The following GPHN variants were observed in gnomAD, a reference collection of about 807,000 sequenced individuals.
GPHN encodes gephyrin.
A neutral mutation model predicts 95.5 loss-of-function variants in GPHN; 17 were observed. The ratio of observed to expected loss-of-function variants is 0.18; its 90% CI spans 0.12 to 0.27. The LOEUF is 0.27. GPHN is among the 10% of genes least tolerant of loss of function. The pLI is 1.00. For missense variants in GPHN, 660 were observed against 978.1 expected (o/e 0.67, Z 4.34); for synonymous variants, 320 against 322.5 (o/e 0.99, Z 0.08).
chr14:67,173,302 C>G (rs1478485383), intron 21 of GPHN, among the ~76,000 whole-genome samples: 1 of 152,180 alleles, frequency 6.6e-6, no homozygotes, highest in African/African-American at 2.4e-5. Flanking sequence ...AGAGGGATCT[C>G]CCTAGGCTAT....
At chr14:66,657,510 T>TA (rs1389739912) in intron 1 of GPHN, among the ~76,000 whole-genome samples, 1 of 152,200 alleles carries the variant, frequency 6.6e-6, no homozygotes, top group Non-Finnish European at 1.5e-5. Context: ...AGAGATAAGA[T>TA]ATCAATGCCT....
At chr14:67,394,512 C>T in the GPHN span, among the ~76,000 whole-genome samples, 4 of 152,184 alleles carry the variant, frequency 2.6e-5, no homozygotes, top group African/African-American at 9.7e-5. Flanking sequence ...TTAAACCCAC[C>T]TGCCTACCCA....
Position 66,972,588 on chromosome 14 carries a change from G to A in GPHN, c.963+7263G>A, listed in dbSNP as rs113197225. 3.1e-3 allele frequency among the ~76,000 whole-genome samples: 467 copies of A among 151,738 alleles called. 10 individuals carry two copies. The highest frequency in any genetic ancestry group is 0.011 in the African/African-American group (442 of 41,432). ...TACGCCCCATTTTGTCACATTCAAG[G>A]CTCAAGTTTTAATTAATTTAATTTT... is the stretch of plus-strand genomic sequence containing the variant. On this transcript the variant is annotated intron_variant, in intron 9 of 22. Coordinates refer to ENST00000478722, the MANE Select transcript of GPHN (RefSeq NM_020806.5).
intron 1 of GPHN, 96 bp from the exon 2 acceptor site, chr14:66,681,011 G>A (rs77211110): frequency 8.7e-6 from 6 of 689,002 alleles, no homozygotes; most frequent in Non-Finnish European, 1.5e-5. Flanking sequence ...AAAAAAAAAA[G>A]CTATTTTTCA....
intron 1 of GPHN, among the ~76,000 whole-genome samples, chr14:66,656,048 T>G (rs900220615): frequency 3.9e-5 from 6 of 152,148 alleles, no homozygotes; most frequent in Non-Finnish European, 7.4e-5. Context: ...GAGAAATATT[T>G]GTCTTTGGGT....
chr14:67,640,686 C>T, the GPHN span, among the ~76,000 whole-genome samples: 1 of 152,166 alleles, frequency 6.6e-6, no homozygotes, highest in African/African-American at 2.4e-5. Context: ...AGAATATAAT[C>T]TATGTCAATG....
At chr14:66,657,052 CTA>C (rs1441680382) in intron 1 of GPHN, among the ~76,000 whole-genome samples, 1 of 152,124 alleles carries the variant, frequency 6.6e-6, no homozygotes, top group East Asian at 1.9e-4. Flanking sequence ...TGAATGGAAA[CTA>C]AAAGTTTTTG....
chr14:67,596,431 G>A, the GPHN span, among the ~76,000 whole-genome samples: 6 of 149,004 alleles, frequency 4.0e-5, no homozygotes, highest in East Asian at 4.0e-4. Context: ...GTGAGCCACC[G>A]CACCCGGCAA....
the GPHN span, among the ~76,000 whole-genome samples, chr14:67,576,699 G>C: frequency 6.6e-6 from 1 of 152,168 alleles, no homozygotes; most frequent in African/African-American, 2.4e-5. This position sits in a 1 kb window ranked among gnomAD's most constrained non-coding sequence, Gnocchi z 4.0. Flanking sequence ...TCTGCATCTG[G>C]GGGAGTTTAT....
intron 4 of GPHN, among the ~76,000 whole-genome samples, chr14:66,869,668 TCTAA>T (rs1161412045): frequency 6.6e-6 from 1 of 152,220 alleles, no homozygotes; most frequent in East Asian, 1.9e-4. Context: ...ATTTCTGTTC[TCTAA>T]CTGATATGTG....
At chr14:66,928,105 G>C (rs1463368156) in intron 8 of GPHN, among the ~76,000 whole-genome samples, 1 of 152,162 alleles carries the variant, frequency 6.6e-6, no homozygotes, top group African/African-American at 2.4e-5. Context: ...AGTTTGAGTA[G>C]GATTGGTATC....
At chr14:67,177,776 T>C (rs1047989469) in intron 21 of GPHN, among the ~76,000 whole-genome samples, 5 of 152,170 alleles carry the variant, frequency 3.3e-5, no homozygotes, top group Non-Finnish European at 5.9e-5. Context: ...ATTGGGTGCA[T>C]ATATATTTAG....
At chr14:67,457,062 G>A in the GPHN span, among the ~76,000 whole-genome samples, 4 of 152,196 alleles carry the variant, frequency 2.6e-5, no homozygotes, top group African/African-American at 9.7e-5. Context: ...TCGTGTATAA[G>A]TGGGAGCTAA....
chr14:67,439,825 C>T, the GPHN span, among the ~76,000 whole-genome samples: 2 of 151,956 alleles, frequency 1.3e-5, no homozygotes, highest in South Asian at 4.1e-4. Flanking sequence ...CTCTTCTCTT[C>T]TCTCTTTTCT....
At chr14:66,774,727 A>G (rs939765950) in intron 2 of GPHN, among the ~76,000 whole-genome samples, 8 of 152,206 alleles carry the variant, frequency 5.3e-5, no homozygotes, top group Non-Finnish European at 1.2e-4. Flanking sequence ...TATGATTTCC[A>G]TAATTATATT....
At chr14:67,160,651 C>T (rs1039552267) in intron 19 of GPHN, among the ~76,000 whole-genome samples, 2 of 152,132 alleles carry the variant, frequency 1.3e-5, no homozygotes, top group Admixed American at 6.5e-5. Context: ...TTCCAGCCCA[C>T]CTCCATGCTG....
chr14:67,143,048 A>G, intron 17 of GPHN: 1 of 351,438 alleles, frequency 2.8e-6, no homozygotes, highest in South Asian at 2.4e-5. Context: ...AAACAGGAAT[A>G]TTCCTAGGCA....
chr14:66,595,086 A>G (rs2061915994), intron 1 of GPHN, among the ~76,000 whole-genome samples: 1 of 152,212 alleles, frequency 6.6e-6, no homozygotes, highest in Non-Finnish European at 1.5e-5. Flanking sequence ...TGCAAATTAT[A>G]ACTCTAATGA....
intron 12 of GPHN, among the ~76,000 whole-genome samples, chr14:67,099,852 G>A (rs1281230972): frequency 2.0e-5 from 3 of 151,910 alleles, no homozygotes; most frequent in Non-Finnish European, 4.4e-5. Context: ...CATATATAAT[G>A]TATATATTTT....
Sources: allele counts gnomAD v4.1 joint callset (sites outside exome capture counted in the v4.1 genomes callset), GRCh38; gene constraint gnomAD v4.1.1; non-coding constraint Gnocchi (gnomAD v3.1); transcripts MANE v1.5; gene names NCBI Gene and HGNC (gene_info 2026-07-23, HGNC 2026-07-21).